Variants in TRIM24 observed in about 807,000 individuals in gnomAD.
The protein encoded by TRIM24 is transcription intermediary factor 1-alpha.
Under a neutral mutation model 123.9 loss-of-function variants are expected in TRIM24, and 29 were observed. The ratio of observed to expected loss-of-function variants is 0.23; its 90% CI spans 0.17 to 0.32. The LOEUF is 0.32. Among genes scored for constraint, TRIM24 ranks in the 10% least tolerant of loss-of-function variants. The pLI is 1.00. For missense variants in TRIM24, 932 were observed against 1,295.3 expected (o/e 0.72, Z 4.31); for synonymous variants, 456 against 461.1 (o/e 0.99, Z 0.14).
At chr7:138,480,456 T>C (rs1795502386) in intron 1 of TRIM24, among the ~76,000 whole-genome samples, 1 of 152,238 alleles carries the variant, frequency 6.6e-6, no homozygotes, top group South Asian at 2.1e-4. Context: ...TAATGCTATA[T>C]AATACTTTGC....
intron 8 of TRIM24, among the ~76,000 whole-genome samples, chr7:138,552,093 G>A (rs1182775347): frequency 6.6e-6 from 1 of 151,540 alleles, no homozygotes; most frequent in Non-Finnish European, 1.5e-5. Flanking sequence ...GTTTACAGTT[G>A]CCTACAGTAT....
intron 2 of TRIM24, among the ~76,000 whole-genome samples, chr7:138,511,479 G>A (rs964706086): frequency 5.3e-5 from 8 of 151,870 alleles, no homozygotes; most frequent in African/African-American, 1.5e-4. Context: ...TAGTAGAAAC[G>A]GGATTTCACC....
chr7:138,540,269 TTTTTAG>T (rs1187222735), intron 7 of TRIM24, among the ~76,000 whole-genome samples: 2 of 152,188 alleles, frequency 1.3e-5, no homozygotes, highest in African/African-American at 2.4e-5. Flanking sequence ...GATTGACTCT[TTTTTAG>T]TGGAAGATTT....
chr7:138,509,243 C>T (rs1421379692), intron 2 of TRIM24, among the ~76,000 whole-genome samples: 2 of 151,314 alleles, frequency 1.3e-5, no homozygotes, highest in African/African-American at 4.9e-5. Flanking sequence ...GCCACTGCAC[C>T]CAGCCGAAAT....
chr7:138,529,599 T>C (rs1230844631), intron 6 of TRIM24, among the ~76,000 whole-genome samples: 1 of 152,194 alleles, frequency 6.6e-6, no homozygotes, highest in Non-Finnish European at 1.5e-5. Context: ...TCGATTTAGT[T>C]CTCAAATATA....
At chr7:138,483,371 A>ATCTTTATGCCTT in intron 1 of TRIM24, among the ~76,000 whole-genome samples, 1 of 152,280 alleles carries the variant, frequency 6.6e-6, no homozygotes, top group African/African-American at 2.4e-5. Context: ...ATTATTTCCA[A>ATCTTTATGCCTT]TCTTTATGCC....
chr7:138,573,745 T>TGAG, intron 12 of TRIM24, 103 bp downstream of exon 12: 2 of 1,279,150 alleles, frequency 1.6e-6, no homozygotes, highest in African/African-American at 3.0e-5. Context: ...ATGCTTAATC[T>TGAG]GAGTTTTTCA....
intron 1 of TRIM24, among the ~76,000 whole-genome samples, chr7:138,465,451 T>G (rs1054562677): frequency 2.0e-5 from 3 of 152,232 alleles, no homozygotes; most frequent in Non-Finnish European, 2.9e-5. Context: ...ACTGGGAGTT[T>G]GAGAGCAGTT....
chr7:138,507,946 A>ATTT (rs899558448), intron 2 of TRIM24, among the ~76,000 whole-genome samples: 1 of 151,254 alleles, frequency 6.6e-6, no homozygotes, highest in African/African-American at 2.4e-5. Flanking sequence ...AAAAAAAAAA[A>ATTT]TTTTTTTTTA....
chr7:138,472,140 T>C (rs1183433245), intron 1 of TRIM24, among the ~76,000 whole-genome samples: 1 of 151,968 alleles, frequency 6.6e-6, no homozygotes, highest in Admixed American at 6.6e-5. Flanking sequence ...TTTAGACAAC[T>C]CTGAAGTGGG....
rs1796094999 is a variant in TRIM24 at position 138,503,936 on chromosome 7, G to T, written c.365-354G>T. On this transcript the variant is annotated intron_variant, in intron 1 of 18. Coordinates refer to ENST00000343526, the MANE Select transcript of TRIM24 (RefSeq NM_015905.3). ...GAAATCCTAATTTTGCAGATCTAGA[G>T]AAAACCTGAGCTCCTTGTTCTTTTG... Among the ~76,000 whole-genome samples, 3 of 152,222 alleles carry T rather than the reference G, an allele frequency of 2.0e-5. No homozygotes were observed. The South Asian group carries it at 6.2e-4, about 31-fold the overall frequency.
rs1798021340 is a variant in TRIM24, at chr7:138,586,488, G to T, written c.*1537G>T. Reference sequence around the variant, plus strand: ...TACTGCTAAAGATAAAATACAGGGAGAAAATAACTTGTTAGCAATAGATCC... The same window carrying T: ...TACTGCTAAAGATAAAATACAGGGATAAAATAACTTGTTAGCAATAGATCC... On this transcript the variant is annotated 3_prime_UTR_variant, in exon 19 of 19. Transcript: ENST00000343526. The T allele has an allele frequency of 6.6e-6, 1 of 152,542 alleles. No individual in the cohort carries two copies. The highest frequency in any genetic ancestry group is 1.5e-5 in the Non-Finnish European group (1 of 68,316). The allele number at this position is 152,542 out of a possible 1,614,324, so 9.4% of individuals were successfully genotyped here. A position where few individuals can be genotyped will look rare whatever the true frequency, so the allele number is the denominator to read the frequency against.
At chr7:138,550,898 G>C (rs1363053) in intron 7 of TRIM24, among the ~76,000 whole-genome samples, 165 bp from the exon 8 acceptor site, 124,844 of 152,158 alleles carry the variant, frequency 0.82, 51,895 homozygotes, top group African/African-American at 0.95. Flanking sequence ...CGCCTCAAAA[G>C]TTTTTAACTT....
intron 14 of TRIM24, 70 bp downstream of exon 14, chr7:138,577,658 C>G: frequency 7.9e-7 from 1 of 1,267,650 alleles, no homozygotes; most frequent in Non-Finnish European, 1.0e-6. Flanking sequence ...TTAAATAGCT[C>G]TTAGGAGTTT....
intron 1 of TRIM24, among the ~76,000 whole-genome samples, chr7:138,477,997 G>A (rs1014659255): frequency 3.9e-5 from 6 of 152,118 alleles, no homozygotes; most frequent in Non-Finnish European, 5.9e-5. Context: ...TAAAATGCAG[G>A]CAATTGATAA....
At chr7:138,568,739 A>G (rs944614792) in intron 10 of TRIM24, among the ~76,000 whole-genome samples, 8 of 62,322 alleles carry the variant, frequency 1.3e-4, no homozygotes, top group Non-Finnish European at 2.2e-4. Context: ...TGTGTTTTAC[A>G]TTATCTTAAA....
chr7:138,497,684 C>T (rs1376749619), intron 1 of TRIM24, among the ~76,000 whole-genome samples: 3 of 151,766 alleles, frequency 2.0e-5, no homozygotes, highest in South Asian at 2.1e-4. Context: ...TGTGAATCAC[C>T]GCGCCCAGCC....
chr7:138,576,192 G>GA (rs1268583174), intron 12 of TRIM24, among the ~76,000 whole-genome samples, 181 bp from the exon 13 acceptor site: 2 of 152,204 alleles, frequency 1.3e-5, no homozygotes, highest in Non-Finnish European at 2.9e-5. Flanking sequence ...TGCAGAGGCT[G>GA]AAAAACCCTG....
Position 138,460,341 on chromosome 7 carries a change from AC to A in TRIM24, c.-205del. The A allele has an allele frequency of 2.3e-6, 1 of 439,632 alleles. No individual in the cohort carries two copies. Among genetic ancestry groups the A allele is most frequent in the Non-Finnish European group, 3.8e-6 (1 of 264,992 alleles). The allele number at this position is 439,632 out of a possible 1,614,324, so 27.2% of individuals were successfully genotyped here. A position where few individuals can be genotyped will look rare whatever the true frequency, so the allele number is the denominator to read the frequency against. On this transcript the variant is annotated 5_prime_UTR_variant, in exon 1 of 19. Coordinates refer to ENST00000343526, the MANE Select transcript of TRIM24 (RefSeq NM_015905.3). ...CGAGGAACGGTCTCCGCTGACAGATACCCTCCTTCCGGCCGCGCCACTCGGG... is the reference window on the plus strand; with the variant it reads ...CGAGGAACGGTCTCCGCTGACAGATACCTCCTTCCGGCCGCGCCACTCGGG...
Sources: allele counts gnomAD v4.1 joint callset (sites outside exome capture counted in the v4.1 genomes callset), GRCh38; gene constraint gnomAD v4.1.1; transcripts MANE v1.5; gene names NCBI Gene and HGNC (gene_info 2026-07-23, HGNC 2026-07-21).